Variants in ARHGEF18 observed in about 807,000 individuals in gnomAD.
ARHGEF18 encodes the protein Rho/Rac guanine nucleotide exchange factor 18, also known as rho guanine nucleotide exchange factor 18.
ARHGEF18 carries 93 observed loss-of-function variants against 155.7 expected under a neutral mutation model. The observed-to-expected ratio is 0.60, with a 90% confidence interval of 0.50 to 0.71. The LOEUF (loss-of-function observed/expected upper bound fraction) is 0.71. ARHGEF18 is among the 30% of genes least tolerant of loss of function. The pLI is 0.00. For synonymous variants in ARHGEF18, 742 were observed against 753.1 expected (o/e 0.99, Z 0.24); for missense variants, 1,593 against 1,816.1 (o/e 0.88, Z 2.23).
At chr19:7,459,776 C>A in intron 19 of ARHGEF18, 127 bp from the exon 20 acceptor site, 1 of 746,474 alleles carries the variant, frequency 1.3e-6, no homozygotes, top group Non-Finnish European at 2.2e-6. Context: ...CCTCCTGCAC[C>A]ACGAACAAGC....
At chr19:7,419,598 C>G (rs915989723) in intron 10 of ARHGEF18, among the ~76,000 whole-genome samples, 4 of 152,198 alleles carry the variant, frequency 2.6e-5, no homozygotes, top group African/African-American at 9.6e-5. Context: ...TGAAACCCAC[C>G]CTCCCTCAAA....
In ARHGEF18 at chr19:7,451,184, C is replaced by G; in HGVS notation, c.1773C>G (p.Gly591=). The change falls in exon 16 of 29, where the codon GGC becomes GGG. Residue 591 remains glycine, a synonymous_variant. Coordinates refer to ENST00000668164, the MANE Select transcript of ARHGEF18 (RefSeq NM_001367823.1). ...IGNFSIVRRL[G]VQECILLVTQ... ...ACTTCTCCATCGTGCGGCGGCTTGG[C>G]GTGCAGGAGTGCATTCTCCTGGTTA... 1 of 1,558,782 alleles carries G rather than the reference C, an allele frequency of 6.4e-7. No individual in the cohort carries two copies. Among genetic ancestry groups the G allele is most frequent in the Non-Finnish European group, 8.6e-7 (1 of 1,157,126 alleles).
chr19:7,362,373 T>G lies in ARHGEF18; in HGVS notation c.-110-408T>G, dbSNP rs1969668592. Among the ~76,000 whole-genome samples the G allele has an allele frequency of 1.3e-5, 2 of 150,104 alleles. 1 individual carries two copies. Among genetic ancestry groups the G allele is most frequent in the African/African-American group, 5.0e-5 (2 of 39,742 alleles). ...AGGAGGAGGAAAAACAATGTGGGCA[T>G]TGGGTACTTGCATTTGGTCTACGGG... is the stretch of plus-strand genomic sequence containing the variant. On this transcript the variant is annotated intron_variant, in intron 1 of 28. Coordinates refer to ENST00000668164, the MANE Select transcript of ARHGEF18 (RefSeq NM_001367823.1).
In ARHGEF18 at chr19:7,445,977, A is replaced by G. The variant is rs138157129; in HGVS notation, c.1612-1066A>G. ...AAATTTACTTTTTTTCTCGGCTCTC[A>G]GGAAGTTGTACAGCATCTGTGATGC... On this transcript the variant is annotated intron_variant, in intron 14 of 28. Transcript: ENST00000668164. Among the ~76,000 whole-genome samples, 127 of 152,238 alleles carry G rather than the reference A, an allele frequency of 8.3e-4. 1 individual carries two copies. The highest frequency in any genetic ancestry group is 2.6e-3 in the African/African-American group (107 of 41,546).
chr19:7,352,529 T>TC, intron 1 of ARHGEF18, among the ~76,000 whole-genome samples: 1 of 86,050 alleles, frequency 1.2e-5, no homozygotes. Context: ...TTCCTAGGTT[T>TC]CCTTTTTTTT....
chr19:7,436,645 G>A (rs8101796), intron 10 of ARHGEF18, among the ~76,000 whole-genome samples: 61,231 of 151,910 alleles, frequency 0.4, 12,985 homozygotes, highest in East Asian at 0.6. Context: ...TCTGATTTCA[G>A]TCAAGACCTC....
chr19:7,444,442 C>G lies in ARHGEF18; in HGVS notation c.1599C>G (p.Leu533=), dbSNP rs745951361. 6.2e-7 allele frequency: 1 copy of G among 1,613,404 alleles called. No individual in the cohort carries two copies. ...RNYVIQKIGD[L]LVQQFSGENG... is the part of the protein sequence containing the mutation. ...ATGTCATCCAGAAAATCGGCGACCT[C>G]CTGGTTCAGCAGGTGGGTGCAGCCG... Residue 533 remains leucine, a synonymous_variant, in exon 14 of 29, where the codon CTC becomes CTG. Transcript: ENST00000668164. This position sits in a 1 kb window ranked among gnomAD's most constrained non-coding sequence, Gnocchi z 4.7.
At chr19:7,416,824 C>T (rs530669399) in intron 10 of ARHGEF18, among the ~76,000 whole-genome samples, 52 of 151,824 alleles carry the variant, frequency 3.4e-4, no homozygotes, top group African/African-American at 1.1e-3. Context: ...AGGATGGTCT[C>T]GATCTCCTGA....
chr19:7,351,931 G>C (rs1347729448), intron 1 of ARHGEF18, among the ~76,000 whole-genome samples: 1 of 151,962 alleles, frequency 6.6e-6, no homozygotes, highest in Non-Finnish European at 1.5e-5. Flanking sequence ...CTGACCTCAG[G>C]TGATCCACCT....
Position 7,395,590 on chromosome 19 carries a change from C to G in ARHGEF18, c.967+12387C>G, listed in dbSNP as rs950126571. ...CCTCTGCTCCTCGTTCAGGAGCGCCCGGGGCAGGACCAGGGATGGAATGGA... is the reference window on the plus strand; with the variant it reads ...CCTCTGCTCCTCGTTCAGGAGCGCCGGGGGCAGGACCAGGGATGGAATGGA... On this transcript the variant is annotated intron_variant, in intron 10 of 28. Coordinates refer to ENST00000668164, the MANE Select transcript of ARHGEF18 (RefSeq NM_001367823.1). The surrounding 1 kb of genome is among the most constrained non-coding windows in gnomAD (Gnocchi z 5.0). Among the ~76,000 whole-genome samples, 5 of 152,034 alleles carry G rather than the reference C, an allele frequency of 3.3e-5. No individual in the cohort carries two copies. The highest frequency in any genetic ancestry group is 1.3e-4 in the Admixed American group (2 of 15,268).
chr19:7,379,670 G>A (rs932204190), intron 7 of ARHGEF18, among the ~76,000 whole-genome samples: 1 of 152,186 alleles, frequency 6.6e-6, no homozygotes, highest in Non-Finnish European at 1.5e-5. Flanking sequence ...CACTGGCATA[G>A]GGGTTCCTTG....
chr19:7,433,028 TCA>T (rs765345373), intron 10 of ARHGEF18, among the ~76,000 whole-genome samples: 15 of 152,004 alleles, frequency 9.9e-5, no homozygotes, highest in East Asian at 9.7e-4. Flanking sequence ...GGGCATGGTA[TCA>T]CACACCTGTA....
chr19:7,357,175 A>T (rs887426053), intron 1 of ARHGEF18, among the ~76,000 whole-genome samples: 2 of 152,160 alleles, frequency 1.3e-5, no homozygotes, highest in Non-Finnish European at 1.5e-5. Context: ...GGCCACTTTG[A>T]TGTGTTCTGA....
chr19:7,412,741 CAAA>C (rs35736055), intron 10 of ARHGEF18, among the ~76,000 whole-genome samples: 2 of 128,396 alleles, frequency 1.6e-5, no homozygotes, highest in Non-Finnish European at 1.6e-5. Context: ...GACTCTGTCT[CAAA>C]AAAAAAAAAA....
intron 13 of ARHGEF18, among the ~76,000 whole-genome samples, chr19:7,443,337 C>T (rs1295506822): frequency 3.9e-5 from 6 of 152,088 alleles, no homozygotes; most frequent in Non-Finnish European, 8.8e-5. Context: ...TTACAGGCGT[C>T]AGCCACCATG....
Position 7,451,134 on chromosome 19 carries a change from C to T in ARHGEF18, c.1738-15C>T, listed in dbSNP as rs750291978. Reference sequence around the variant, plus strand: ...TCTGAGATGTTAATACAGGATCTTGCTTTCTGTTTCCTAGAAAATTGGCAA... The same window carrying T: ...TCTGAGATGTTAATACAGGATCTTGTTTTCTGTTTCCTAGAAAATTGGCAA... On this transcript the variant is annotated splice_polypyrimidine_tract_variant and intron_variant, in intron 15 of 28. Transcript: ENST00000668164. The T allele has an allele frequency of 6.7e-7, 1 of 1,502,718 alleles. No homozygotes were observed. Among genetic ancestry groups the T allele is most frequent in the Non-Finnish European group, 8.8e-7 (1 of 1,130,586 alleles). 93.1% of individuals were successfully genotyped at this position (1,502,718 alleles called of 1,614,324 possible). A position where few individuals can be genotyped will look rare whatever the true frequency, so the allele number is the denominator to read the frequency against.
At chr19:7,442,305 G>A (rs1191197762) in intron 13 of ARHGEF18, among the ~76,000 whole-genome samples, 1 of 151,456 alleles carries the variant, frequency 6.6e-6, no homozygotes, top group Non-Finnish European at 1.5e-5. Context: ...GGGACAATCA[G>A]AGCTCACTGC....
intron 1 of ARHGEF18, among the ~76,000 whole-genome samples, chr19:7,361,239 C>T (rs1440075580): frequency 6.6e-6 from 1 of 152,102 alleles, no homozygotes; most frequent in Non-Finnish European, 1.5e-5. Flanking sequence ...AGTTCCGGAC[C>T]AGCCTGGCCA....
At chr19:7,419,567 G>T (rs546939663) in intron 10 of ARHGEF18, among the ~76,000 whole-genome samples, 1 of 152,180 alleles carries the variant, frequency 6.6e-6, no homozygotes, top group African/African-American at 2.4e-5. Flanking sequence ...CTGCAGGACA[G>T]GCACCACCCT....
Sources: allele counts gnomAD v4.1 joint callset (sites outside exome capture counted in the v4.1 genomes callset), GRCh38; gene constraint gnomAD v4.1.1; non-coding constraint Gnocchi (gnomAD v3.1); transcripts MANE v1.5; gene names NCBI Gene and HGNC (gene_info 2026-07-23, HGNC 2026-07-21).